CDYL2: variants seen among roughly 807,000 people sequenced by gnomAD.
The protein encoded by CDYL2 is chromodomain Y-like protein 2.
Under a neutral mutation model 49.4 loss-of-function variants are expected in CDYL2, and 23 were observed. The observed-to-expected ratio is 0.47, with a 90% CI of 0.34 to 0.66. The LOEUF is 0.66. Ranked by LOEUF, CDYL2 falls within the 30% of genes least tolerant of loss-of-function variation. The probability of loss-of-function intolerance (pLI) is 0.01; values close to 1 mark genes in which losing one functional copy is unlikely to be tolerated. For missense variants in CDYL2, 678 were observed against 656.4 expected (o/e 1.03, Z -0.36); for synonymous variants, 360 against 268.8 (o/e 1.34, Z -3.32).
At chr16:80,665,109 A>T (rs1909205074) in intron 2 of CDYL2, among the ~76,000 whole-genome samples, 1 of 152,214 alleles carries the variant, frequency 6.6e-6, no homozygotes, top group African/African-American at 2.4e-5. Flanking sequence ...TGAAGAAATC[A>T]TAAATGGCAT....
At chr16:80,657,810 G>C (rs1908873322) in intron 2 of CDYL2, among the ~76,000 whole-genome samples, 1 of 152,130 alleles carries the variant, frequency 6.6e-6, no homozygotes, top group Middle Eastern at 3.4e-3. Flanking sequence ...AAATTTAACA[G>C]GAAAACTGTA....
At chr16:80,641,641 G>A (rs111445867) in intron 2 of CDYL2, among the ~76,000 whole-genome samples, 3 of 151,076 alleles carry the variant, frequency 2.0e-5, no homozygotes, top group Non-Finnish European at 4.4e-5. Flanking sequence ...GCAAACTACC[G>A]CAAGGACAAA....
Position 80,620,897 on chromosome 16 carries a change from G to C in CDYL2, c.873C>G (p.Ala291=). 6.2e-7 allele frequency: 1 copy of C among 1,610,408 alleles called. No individual in the cohort carries two copies. Among genetic ancestry groups the C allele is most frequent in the Non-Finnish European group, 8.5e-7 (1 of 1,177,488 alleles). ...GGAGCAGCAGTTTGCTGTCGTCTGT[G>C]GCTGCGTTGCAGAGCGCTCGCCGGA... ...KEVRRALCNA[A]TDDSKLLLLS... Residue 291 remains alanine (A), a synonymous_variant, in exon 4 of 7, where the codon GCC becomes GCG. Transcript: ENST00000570137.
chr16:80,779,981 G>C (rs1223392477), intron 1 of CDYL2, among the ~76,000 whole-genome samples: 1 of 152,080 alleles, frequency 6.6e-6, no homozygotes, highest in Non-Finnish European at 1.5e-5. Context: ...ATGAAGAGAA[G>C]AAAATGAGTT....
chr16:80,694,985 T>C (rs1910563545), intron 1 of CDYL2, among the ~76,000 whole-genome samples: 1 of 152,236 alleles, frequency 6.6e-6, no homozygotes, highest in Admixed American at 6.5e-5. Context: ...AACATGCTCC[T>C]GATAATAAGA....
chr16:80,765,949 T>C (rs1240015851), intron 1 of CDYL2, among the ~76,000 whole-genome samples: 1 of 149,676 alleles, frequency 6.7e-6, no homozygotes, highest in Non-Finnish European at 1.5e-5. Flanking sequence ...GAAAACATTA[T>C]GTTAAATAGA....
chr16:80,700,311 T>C (rs1904294070), intron 1 of CDYL2, among the ~76,000 whole-genome samples: 1 of 152,130 alleles, frequency 6.6e-6, no homozygotes, highest in Non-Finnish European at 1.5e-5. Flanking sequence ...GAAACAAAAA[T>C]CTAATGGCCA....
rs1908033527 is a variant in CDYL2, at chr16:80,804,385, CCGGCAGCAG to C, written c.-221_-213del. On this transcript the variant is annotated 5_prime_UTR_variant, in exon 1 of 7. Transcript: ENST00000570137. ...GCGGGCGGCGGCGGGGCTGGCGTAACCGGCAGCAGCGGCGGCGGCGGCGGCGGCGGCACG... is the reference window on the plus strand; with the variant it reads ...GCGGGCGGCGGCGGGGCTGGCGTAACCGGCGGCGGCGGCGGCGGCGGCACG... 1 of 193,450 alleles carries C rather than the reference CCGGCAGCAG, an allele frequency of 5.2e-6. No homozygotes were observed. The highest frequency in any genetic ancestry group is 1.6e-4 in the South Asian group (1 of 6,356). 12.0% of individuals were successfully genotyped at this position (193,450 alleles called of 1,614,324 possible).
chr16:80,793,314 T>A (rs1392481879), intron 1 of CDYL2, among the ~76,000 whole-genome samples: 4 of 152,176 alleles, frequency 2.6e-5, no homozygotes, highest in Admixed American at 2.6e-4. Flanking sequence ...CTCAATCCAG[T>A]CCTAACCTGT....
intron 1 of CDYL2, among the ~76,000 whole-genome samples, chr16:80,753,869 TA>T (rs1906220089): frequency 6.6e-6 from 1 of 152,220 alleles, no homozygotes; most frequent in South Asian, 2.1e-4. Flanking sequence ...AGAAGATATT[TA>T]TGATACATAT....
At chr16:80,762,434 C>T (rs1906564465) in intron 1 of CDYL2, among the ~76,000 whole-genome samples, 1 of 152,160 alleles carries the variant, frequency 6.6e-6, no homozygotes. Context: ...AGCAGCACAG[C>T]TCCAAAAAGC....
chr16:80,759,475 G>A (rs1288331644), intron 1 of CDYL2, among the ~76,000 whole-genome samples: 1 of 151,960 alleles, frequency 6.6e-6, no homozygotes, highest in Non-Finnish European at 1.5e-5. Context: ...GTTAACTATC[G>A]ATGAGTCATG....
At chr16:80,746,959 T>C (rs1362925933) in intron 1 of CDYL2, among the ~76,000 whole-genome samples, 1 of 152,094 alleles carries the variant, frequency 6.6e-6, no homozygotes, top group African/African-American at 2.4e-5. Flanking sequence ...TATTCCAATA[T>C]GGTAACAACT....
intron 1 of CDYL2, among the ~76,000 whole-genome samples, chr16:80,690,902 C>A (rs1446481456): frequency 1.3e-5 from 2 of 152,146 alleles, no homozygotes; most frequent in Non-Finnish European, 2.9e-5. Flanking sequence ...ACCAAACCAG[C>A]ACAATGTATA....
intron 1 of CDYL2, among the ~76,000 whole-genome samples, chr16:80,775,975 A>G (rs1907069356): frequency 6.6e-6 from 1 of 151,902 alleles, no homozygotes; most frequent in Non-Finnish European, 1.5e-5. Flanking sequence ...ATTCAGTAAC[A>G]CTGCAAAAGA....
At chr16:80,771,786 T>C (rs1906913843) in intron 1 of CDYL2, among the ~76,000 whole-genome samples, 1 of 151,874 alleles carries the variant, frequency 6.6e-6, no homozygotes, top group South Asian at 2.1e-4. Flanking sequence ...GTAAAAAATA[T>C]AATGCCCAAA....
chr16:80,760,785 T>G lies in CDYL2; in HGVS notation c.24+43365A>C, dbSNP rs370452055. 4.6e-4 allele frequency among the ~76,000 whole-genome samples: 69 copies of G among 151,586 alleles called. No individual in the cohort carries two copies. In the Middle Eastern group the frequency reaches 0.01, roughly 22 times the overall value. On this transcript the variant is annotated intron_variant, in intron 1 of 6. Transcript: ENST00000570137. ...GGGGCAGTCCATCTAGAATGCAGGATAGATGAAATTAGAGCAAGAACATTC... is the reference window on the plus strand; with the variant it reads ...GGGGCAGTCCATCTAGAATGCAGGAGAGATGAAATTAGAGCAAGAACATTC...
chr16:80,667,883 G>A (rs73583689), intron 2 of CDYL2, among the ~76,000 whole-genome samples: 1 of 152,208 alleles, frequency 6.6e-6, no homozygotes, highest in Non-Finnish European at 1.5e-5. Context: ...GCCCACAGAG[G>A]CTGGGTCATT....
rs142306844 is a variant in CDYL2 at position 80,744,466 on chromosome 16, G to A, written c.25-59337C>T. 4.1e-5 allele frequency among the ~76,000 whole-genome samples: 6 copies of A among 148,070 alleles called. No individual in the cohort carries two copies. The East Asian group carries it at 1.2e-3, about 30-fold the overall frequency. On this transcript the variant is annotated intron_variant, in intron 1 of 6. Coordinates refer to ENST00000570137, the MANE Select transcript of CDYL2 (RefSeq NM_152342.4). ...TGTTCAGACCTCCTGACCTGAGAAA[G>A]CAACAAGGTGATGACCAAAAGAAGG...
Sources: gnomAD v4.1 joint callset for allele counts (sites outside exome capture counted in the v4.1 genomes callset) on GRCh38, gnomAD v4.1.1 for gene constraint, MANE v1.5 for transcripts, NCBI Gene and HGNC (gene_info 2026-07-23, HGNC 2026-07-21) for gene names.